FAF1: variants seen among roughly 807,000 people sequenced by gnomAD.
FAF1 encodes the protein FAS-associated factor 1.
FAF1 carries 25 observed loss-of-function variants against 92.5 expected under a neutral mutation model. That is an observed-to-expected ratio of 0.27 (90% CI 0.20 to 0.38). The LOEUF (loss-of-function observed/expected upper bound fraction) is 0.38. Among genes scored for constraint, FAF1 ranks in the 10% least tolerant of loss-of-function variants. FAF1 has a pLI of 1.00. For missense variants in FAF1, 636 were observed against 793.3 expected, an observed-to-expected ratio of 0.80 and a Z score of 2.38; for synonymous variants, 234 against 273.2, an observed-to-expected ratio of 0.86 and a Z score of 1.42.
At chr1:50,632,582 T>G (rs1653840068) in intron 8 of FAF1, among the ~76,000 whole-genome samples, 1 of 152,218 alleles carries the variant, frequency 6.6e-6, no homozygotes, top group Admixed American at 6.5e-5. Context: ...CATTTACACT[T>G]TAGGGGTAAG....
At chr1:50,511,191 G>A (rs1237167463) in intron 15 of FAF1, among the ~76,000 whole-genome samples, 1 of 152,158 alleles carries the variant, frequency 6.6e-6, no homozygotes, top group East Asian at 1.9e-4. Flanking sequence ...AAGTGAGCCA[G>A]GAGACTAGTG....
rs79025069 is a variant in FAF1 at position 50,470,396 on chromosome 1, C to T, written c.1869+5068G>A. ...AAGTGACTTAAGTGCTTAATTTTAC[C>T]TCCCTTGATTCTCCCACCAGTAAAG... is the stretch of plus-strand genomic sequence containing the variant. On this transcript the variant is annotated intron_variant, in intron 18 of 18. Transcript: ENST00000396153. Among the ~76,000 whole-genome samples, 562 of 152,240 alleles carry T rather than the reference C, an allele frequency of 3.7e-3. 7 individuals carry two copies. The highest frequency in any genetic ancestry group is 0.013 in the African/African-American group (544 of 41,548).
intron 1 of FAF1, among the ~76,000 whole-genome samples, chr1:50,908,169 T>C (rs562216680): frequency 1.3e-5 from 2 of 152,360 alleles, no homozygotes; most frequent in Admixed American, 1.3e-4. Flanking sequence ...AGTTTCCATG[T>C]AGTTGAGTGG....
chr1:50,662,552 G>T (rs1655423718), intron 7 of FAF1, among the ~76,000 whole-genome samples: 2 of 152,156 alleles, frequency 1.3e-5, no homozygotes, highest in South Asian at 2.1e-4. Flanking sequence ...ACTTCCATGG[G>T]TAACATGGTT....
chr1:50,608,188 T>C (rs1652514068), intron 8 of FAF1, among the ~76,000 whole-genome samples: 1 of 152,226 alleles, frequency 6.6e-6, no homozygotes, highest in Non-Finnish European at 1.5e-5. Flanking sequence ...GGTTGTTTAG[T>C]TGTTGACATG....
chr1:50,733,341 C>T (rs113796433), intron 6 of FAF1, among the ~76,000 whole-genome samples: 2 of 152,312 alleles, frequency 1.3e-5, no homozygotes, highest in African/African-American at 4.8e-5. Flanking sequence ...TGTCTCCAAT[C>T]TTCTATTATT....
intron 18 of FAF1, among the ~76,000 whole-genome samples, chr1:50,459,374 T>C (rs1009814811): frequency 2.6e-5 from 4 of 152,158 alleles, no homozygotes; most frequent in Non-Finnish European, 5.9e-5. Flanking sequence ...TGTTGAGCCA[T>C]CCTCACAGTT....
At position 50,707,631 on chromosome 1, in the gene FAF1, T is replaced by C. The variant is rs1318389396; in HGVS notation, c.552-1740A>G. ...ATCACTTGAACCCAGAAGGTGGAGG[T>C]TGCAGTGAGCTGAGATGGCACCACT... On this transcript the variant is annotated intron_variant, in intron 6 of 18. Transcript: ENST00000396153. Among the ~76,000 whole-genome samples the C allele has an allele frequency of 2.6e-5, 4 of 151,436 alleles. No individual in the cohort carries two copies. In the South Asian group the frequency reaches 6.3e-4, roughly 24 times the overall value.
intron 6 of FAF1, among the ~76,000 whole-genome samples, chr1:50,725,284 A>G (rs1278780945): frequency 2.6e-5 from 4 of 152,144 alleles, no homozygotes; most frequent in Non-Finnish European, 5.9e-5. Flanking sequence ...TAAGTCATAC[A>G]GTGATTCTGA....
chr1:50,707,779 A>G (rs1242146330), intron 6 of FAF1, among the ~76,000 whole-genome samples: 3 of 152,236 alleles, frequency 2.0e-5, no homozygotes, highest in Non-Finnish European at 2.9e-5. Context: ...CACACTACAG[A>G]TATTTATTGC....
chr1:50,819,779 A>G lies in FAF1; in HGVS notation c.115-18102T>C, dbSNP rs367553866. Among the ~76,000 whole-genome samples the G allele has an allele frequency of 7.1e-4, 52 of 73,740 alleles. 2 individuals carry two copies. Among genetic ancestry groups the G allele is most frequent in the Non-Finnish European group, 1.3e-3 (44 of 34,274 alleles). 48.4% of individuals were successfully genotyped at this position (73,740 alleles called of 152,430 possible). On this transcript the variant is annotated intron_variant, in intron 2 of 18. Coordinates refer to ENST00000396153, the MANE Select transcript of FAF1 (RefSeq NM_007051.3). Reference sequence around the variant, plus strand: ...TATATATATACGTATATATATATACATATATATACATATATATATATACAT... The same window carrying G: ...TATATATATACGTATATATATATACGTATATATACATATATATATATACAT...
intron 15 of FAF1, among the ~76,000 whole-genome samples, chr1:50,492,382 T>G (rs1425481807): frequency 6.6e-6 from 1 of 152,200 alleles, no homozygotes; most frequent in Non-Finnish European, 1.5e-5. Context: ...AATTTAGTAT[T>G]TCCCCATTAC....
chr1:50,800,416 A>G (rs977525817), intron 3 of FAF1, among the ~76,000 whole-genome samples: 5 of 152,222 alleles, frequency 3.3e-5, no homozygotes, highest in African/African-American at 1.2e-4. Context: ...AAATAGCCAT[A>G]AAGGAAGTTC....
At chr1:50,802,927 C>A (rs905679537) in intron 2 of FAF1, among the ~76,000 whole-genome samples, 1 of 152,186 alleles carries the variant, frequency 6.6e-6, no homozygotes, top group Non-Finnish European at 1.5e-5. Context: ...CAAATTCACA[C>A]CATCGTACTG....
intron 8 of FAF1, among the ~76,000 whole-genome samples, chr1:50,653,599 C>G (rs1654965323): frequency 6.6e-6 from 1 of 152,132 alleles, no homozygotes; most frequent in Non-Finnish European, 1.5e-5. Flanking sequence ...GGCACGGTGG[C>G]TCATGCCTGT....
chr1:50,946,793 T>A (rs1453832521), intron 1 of FAF1, among the ~76,000 whole-genome samples: 2 of 152,184 alleles, frequency 1.3e-5, no homozygotes. Context: ...ATAGACCAAG[T>A]GATACCTGCA....
At chr1:50,846,132 A>G (rs1293282463) in intron 2 of FAF1, among the ~76,000 whole-genome samples, 1 of 152,158 alleles carries the variant, frequency 6.6e-6, no homozygotes, top group Non-Finnish European at 1.5e-5. Context: ...AGAAAGGAAA[A>G]GAAACGAAAA....
At chr1:50,933,375 T>C (rs1275693886) in intron 1 of FAF1, among the ~76,000 whole-genome samples, 1 of 152,184 alleles carries the variant, frequency 6.6e-6, no homozygotes, top group African/African-American at 2.4e-5. Flanking sequence ...AGTTCAAAGT[T>C]CCACAAATCT....
At chr1:50,603,220 G>A (rs1487973857) in intron 8 of FAF1, among the ~76,000 whole-genome samples, 1 of 152,116 alleles carries the variant, frequency 6.6e-6, no homozygotes, top group Non-Finnish European at 1.5e-5. Flanking sequence ...CCATCCATTA[G>A]TCAGAAACTA....
Sources: gnomAD v4.1 joint callset for allele counts (sites outside exome capture counted in the v4.1 genomes callset) on GRCh38, gnomAD v4.1.1 for gene constraint, MANE v1.5 for transcripts, NCBI Gene and HGNC (gene_info 2026-07-23, HGNC 2026-07-21) for gene names.